The following UBA1 variants were observed in gnomAD, a reference collection of about 807,000 sequenced individuals.
UBA1 encodes ubiquitin-like modifier-activating enzyme 1.
A neutral mutation model predicts 84.7 loss-of-function variants in UBA1; 4 were observed. The ratio of observed to expected loss-of-function variants is 0.05; its 90% CI spans 0.02 to 0.11. The LOEUF (loss-of-function observed/expected upper bound fraction) is 0.11. Among genes scored for constraint, UBA1 ranks in the 10% least tolerant of loss-of-function variants. UBA1 has a pLI of 1.00. For synonymous variants in UBA1, 364 were observed against 362.6 expected, an observed-to-expected ratio of 1.00 and a Z score of -0.04; for missense variants, 513 against 902.8, an observed-to-expected ratio of 0.57 and a Z score of 5.53.
intron 1 of UBA1, among the ~76,000 whole-genome samples, chrX:47,196,235 T>C (rs1936203658): frequency 1.8e-5 from 2 of 111,393 alleles, no homozygotes. Context: ...CCCATTTGTC[T>C]CAGAGCCTCC....
chrX:47,203,421 C>G, intron 13 of UBA1, 120 bp from the exon 14 acceptor site: 1 of 948,524 alleles, frequency 1.1e-6, no homozygotes, highest in Non-Finnish European at 1.5e-6. Flanking sequence ...GTCCTGCAAC[C>G]TGAAGATGTG....
Position 47,214,744 on chromosome X carries a change from C to T in UBA1, c.3042-50C>T, listed in dbSNP as rs782760498. ...CTGCCCCTACCTACCTGCCCATCCT[C>T]TCTTGCTTTCTGCCCTCCTGACCCT... On this transcript the variant is annotated intron_variant, in intron 25 of 25. Coordinates refer to ENST00000335972, the MANE Select transcript of UBA1 (RefSeq NM_003334.4). 11 of 1,205,228 alleles carry T rather than the reference C, an allele frequency of 9.1e-6. No homozygotes were observed. In the East Asian group the frequency reaches 1.2e-4, roughly 13 times the overall value.
chrX:47,204,446 C>T (rs1556789924), intron 14 of UBA1, among the ~76,000 whole-genome samples: 1 of 111,555 alleles, frequency 9.0e-6, no homozygotes, highest in Non-Finnish European at 1.9e-5. Context: ...TGTAACAAGA[C>T]ATGAAATGTT....
intron 23 of UBA1, among the ~76,000 whole-genome samples, chrX:47,213,532 A>G (rs782014180): frequency 1.8e-5 from 2 of 112,285 alleles, no homozygotes; most frequent in South Asian, 7.3e-4. Context: ...CCTCAAGTAG[A>G]TTATATAAAT....
At chrX:47,205,614 G>A (rs1936635481) in intron 14 of UBA1, 3 of 360,971 alleles carry the variant, frequency 8.3e-6, no homozygotes, top group South Asian at 3.0e-5. Flanking sequence ...TGTAATCCCA[G>A]CTCTTTGTGG....
intron 8 of UBA1, 43 bp from the exon 9 acceptor site, chrX:47,202,113 G>T: frequency 9.0e-7 from 1 of 1,105,187 alleles, no homozygotes; most frequent in South Asian, 1.9e-5. Context: ...GTGGATTTTA[G>T]GGAGAATGGG....
At chrX:47,207,291 G>A (rs1202934221) in intron 16 of UBA1, among the ~76,000 whole-genome samples, 2 of 111,667 alleles carry the variant, frequency 1.8e-5, no homozygotes, top group Admixed American at 9.6e-5. Context: ...AGCTCGGGGT[G>A]TCCAATCATT....
At chrX:47,198,998 G>A in intron 2 of UBA1, 50 bp from the exon 3 acceptor site, 2 of 1,206,182 alleles carry the variant, frequency 1.7e-6, no homozygotes, top group South Asian at 3.5e-5. Context: ...GTCTATCCAT[G>A]CTCCACTCCT....
At chrX:47,212,892 C>G (rs1275081662) in intron 22 of UBA1, 29 bp downstream of exon 22, 2 of 1,205,710 alleles carry the variant, frequency 1.7e-6, no homozygotes, top group African/African-American at 3.5e-5. Context: ...TGATGTTCCA[C>G]CCTCCTCCAG....
At chrX:47,199,644 C>T (rs1247325883) in intron 5 of UBA1, 30 bp downstream of exon 5, 1 of 1,205,476 alleles carries the variant, frequency 8.3e-7, no homozygotes, top group Admixed American at 2.2e-5. Flanking sequence ...CAGCCTTCTG[C>T]CCAGTTTTCT....
chrX:47,214,273 G>A (rs113684815), intron 23 of UBA1, 54 bp from the exon 24 acceptor site: 13 of 1,094,148 alleles, frequency 1.2e-5, no homozygotes, highest in African/African-American at 7.3e-5. Flanking sequence ...AGACAGATGG[G>A]GGCTGGACCC....
rs782256794 is a variant in UBA1 at position 47,215,027 on chromosome X, C to G, written c.*98C>G. 11 of 1,133,007 alleles carry G rather than the reference C, an allele frequency of 9.7e-6. No homozygotes were observed. The highest frequency in any genetic ancestry group is 1.2e-5 in the Non-Finnish European group (10 of 835,674). 93.4% of individuals were successfully genotyped at this position (1,133,007 alleles called of 1,213,427 possible). A position where few individuals can be genotyped will look rare whatever the true frequency, so the allele number is the denominator to read the frequency against. ...GGCTTCTGGCAGTGGCCCAACTAGC[C>G]AAGTCTGGTGTTCCCTCATCATCCC... is the stretch of plus-strand genomic sequence containing the variant. On this transcript the variant is annotated 3_prime_UTR_variant, in exon 26 of 26. Coordinates refer to ENST00000335972, the MANE Select transcript of UBA1 (RefSeq NM_003334.4).
rs945143565 is a variant in UBA1, at chrX:47,202,925, C to T, written c.1234-18C>T. 12 of 1,207,631 alleles carry T rather than the reference C, an allele frequency of 9.9e-6. No homozygotes were observed. In the Admixed American group the frequency reaches 1.3e-4, roughly 13 times the overall value. On this transcript the variant is annotated intron_variant, in intron 11 of 25. Transcript: ENST00000335972. ...CTGTTAACCACTGACCACCCCCTCTCTCCCTTCCCCTCTCCAGGCCTGCTC... is the reference window on the plus strand; with the variant it reads ...CTGTTAACCACTGACCACCCCCTCTTTCCCTTCCCCTCTCCAGGCCTGCTC...
intron 1 of UBA1, chrX:47,197,703 C>G: frequency 1.5e-5 from 10 of 669,460 alleles, no homozygotes; most frequent in Non-Finnish European, 1.8e-5. Flanking sequence ...ACACTAAACT[C>G]TGCCTTGCTG....
rs200541240 is a variant in UBA1 at position 47,202,248 on chromosome X, A to G, written c.904A>G (p.Ser302Gly). 2.9e-5 allele frequency: 35 copies of G among 1,206,682 alleles called. No individual in the cohort carries two copies. In the Admixed American group the frequency reaches 5.0e-4, roughly 17 times the overall value. Reference sequence around the variant, plus strand: ...TCAGGTCAAAGTACCTAAGAAGATTAGCTTTGTGAGTGTGTCGATGGGATC... The same window carrying G: ...TCAGGTCAAAGTACCTAAGAAGATTGGCTTTGTGAGTGTGTCGATGGGATC... ...VSQVKVPKKI[S>G]FKSLVASLAE... The change falls in exon 9 of 26, where the codon AGC (serine) becomes GGC (glycine). Residue 302 changes from serine to glycine, a missense_variant. By Grantham distance (56) the Ser-to-Gly change is moderately conservative. Coordinates refer to ENST00000335972, the MANE Select transcript of UBA1 (RefSeq NM_003334.4).
intron 8 of UBA1, among the ~76,000 whole-genome samples, 187 bp from the exon 9 acceptor site, chrX:47,201,969 T>A (rs1556788238): frequency 9.0e-6 from 1 of 110,972 alleles, no homozygotes; most frequent in Non-Finnish European, 1.9e-5. Context: ...ACACAGGGTC[T>A]CACGGGGTCT....
At position 47,207,840 on chromosome X, in the gene UBA1, C is replaced by T. The variant is rs782064658; in HGVS notation, c.1938+1396C>T. 4.5e-5 allele frequency among the ~76,000 whole-genome samples: 5 copies of T among 112,206 alleles called. 1 individual carries two copies. The South Asian group carries it at 1.8e-3, about 41-fold the overall frequency. ...TTCCTGTTCTGTAAAATGGGAATGA[C>T]AGCATCTACCTCACAGGACTATTGT... On this transcript the variant is annotated intron_variant, in intron 16 of 25. Coordinates refer to ENST00000335972, the MANE Select transcript of UBA1 (RefSeq NM_003334.4).
rs1341394275 is a variant in UBA1, at chrX:47,202,728, A to T, written c.1147A>T (p.Ile383Phe). ...GCAAAATAACCTGGACGAGGACCTC[A>T]TCCGGAAGCTGGCATATGTGGCTGC... Reference protein sequence around the residue: ...VQQNNLDEDLIRKLAYVAAGD... With the variant: ...VQQNNLDEDLFRKLAYVAAGD... Residue 383 changes from isoleucine to phenylalanine, a missense_variant, in exon 11 of 26, where the codon ATC becomes TTC. By Grantham distance (21) the Ile-to-Phe change is conservative (BLOSUM62 0). Coordinates refer to ENST00000335972, the MANE Select transcript of UBA1 (RefSeq NM_003334.4). 37 of 1,210,008 alleles carry T rather than the reference A, an allele frequency of 3.1e-5. No homozygotes were observed. Among genetic ancestry groups the T allele is most frequent in the Non-Finnish European group, 4.0e-5 (36 of 894,879 alleles).
chrX:47,211,410 C>CCCT (rs782791011), intron 20 of UBA1, among the ~76,000 whole-genome samples, 185 bp downstream of exon 20: 2 of 111,815 alleles, frequency 1.8e-5, no homozygotes, highest in East Asian at 5.7e-4. Context: ...TTATCTCCCT[C>CCCT]CCTCCTCCTC....
Sources: gnomAD v4.1 joint callset for allele counts (sites outside exome capture counted in the v4.1 genomes callset) on GRCh38, gnomAD v4.1.1 for gene constraint, MANE v1.5 for transcripts, NCBI Gene and HGNC (gene_info 2026-07-23, HGNC 2026-07-21) for gene names.